The following PATJ variants were observed in gnomAD, a reference collection of about 807,000 sequenced individuals.
PATJ encodes PATJ crumbs cell polarity complex component, also known as inaD-like protein.
PATJ carries 190 observed loss-of-function variants against 224.9 expected under a neutral mutation model. The ratio of observed to expected loss-of-function variants is 0.84; its 90% CI spans 0.75 to 0.95. The LOEUF (loss-of-function observed/expected upper bound fraction) is 0.95. PATJ is among the 40% of genes least tolerant of loss of function. The pLI is 0.00. For synonymous variants in PATJ, 769 were observed against 820.3 expected (o/e 0.94, Z 1.07); for missense variants, 2,121 against 2,270.3 (o/e 0.93, Z 1.34).
chr1:61,986,709 T>A (rs1644777911), intron 27 of PATJ, among the ~76,000 whole-genome samples: 1 of 152,160 alleles, frequency 6.6e-6, no homozygotes, highest in African/African-American at 2.4e-5. Flanking sequence ...TATCCAGCTT[T>A]GTAATTTATT....
chr1:61,853,795 A>T (rs1663215019), intron 17 of PATJ, among the ~76,000 whole-genome samples: 1 of 152,152 alleles, frequency 6.6e-6, no homozygotes, highest in Non-Finnish European at 1.5e-5. Context: ...ACTTGAAAAT[A>T]CTGGTGTAAT....
intron 28 of PATJ, among the ~76,000 whole-genome samples, chr1:62,015,156 T>C (rs1394447699): frequency 6.6e-6 from 1 of 151,402 alleles, no homozygotes; most frequent in African/African-American, 2.4e-5. Flanking sequence ...AAAAAAAAAT[T>C]AGCCGGGCTT....
chr1:61,981,230 C>A (rs1159336155), intron 27 of PATJ, among the ~76,000 whole-genome samples: 2 of 151,930 alleles, frequency 1.3e-5, no homozygotes, highest in African/African-American at 4.9e-5. Flanking sequence ...AATGAGTGCA[C>A]TGCATGAGAG....
At chr1:61,970,786 C>A (rs1682867641) in intron 27 of PATJ, among the ~76,000 whole-genome samples, 1 of 146,728 alleles carries the variant, frequency 6.8e-6, no homozygotes, top group South Asian at 2.1e-4. Context: ...AGCCACCACA[C>A]CTGGCCACTC....
intron 28 of PATJ, chr1:61,991,910 A>G (rs1645085319): frequency 5.8e-6 from 1 of 171,126 alleles, no homozygotes; most frequent in Non-Finnish European, 1.2e-5. Flanking sequence ...CACTGTGCAT[A>G]TGCATTGTAC....
chr1:61,839,148 T>C (rs1397861989), intron 17 of PATJ, among the ~76,000 whole-genome samples: 3 of 152,150 alleles, frequency 2.0e-5, no homozygotes, highest in Non-Finnish European at 4.4e-5. Flanking sequence ...CCACCAGGTC[T>C]ATGCCTTTAA....
At chr1:62,125,264 C>CAAA (rs1284483252) in intron 39 of PATJ, among the ~76,000 whole-genome samples, 2 of 64,198 alleles carry the variant, frequency 3.1e-5, no homozygotes, top group South Asian at 4.3e-4. Context: ...CAAAAAAAAA[C>CAAA]AAAAAAAAAA....
chr1:61,864,318 A>C lies in PATJ; in HGVS notation c.2520A>C (p.Gln840His), dbSNP rs1334293768. 1.2e-6 allele frequency: 2 copies of C among 1,613,974 alleles called. No homozygotes were observed. Residue 840 changes from glutamine (Q) to histidine (H), a missense_variant, in exon 20 of 44, where the codon CAA (glutamine) becomes CAC (histidine). Coordinates refer to ENST00000642238, the MANE Select transcript of PATJ (RefSeq NM_001350145.3). Reference protein sequence around the residue: ...FLDLGKSFHSQQKEIEQSKEA... With the variant: ...FLDLGKSFHSHQKEIEQSKEA... The stretch of plus-strand genomic sequence containing the variant: ...ATCTGGGAAAGTCTTTCCATTCCCA[A>C]CAAAAAGAGATAGAGCAAAGCAAGG...
chr1:61,872,016 G>A (rs1004523360), intron 20 of PATJ, among the ~76,000 whole-genome samples: 2 of 152,006 alleles, frequency 1.3e-5, no homozygotes, highest in Admixed American at 1.3e-4. Context: ...AGAAATTCCT[G>A]TTTATAAATA....
Position 62,086,341 on chromosome 1 carries a change from C to A in PATJ, c.4377+1693C>A, listed in dbSNP as rs1659979322. Among the ~76,000 whole-genome samples the A allele has an allele frequency of 6.6e-6, 1 of 151,832 alleles. No homozygotes were observed. The highest frequency in any genetic ancestry group is 2.4e-5 in the African/African-American group (1 of 41,242). ...GTGTATGTAATACCTGCATCTTATA[C>A]AAAGTTAAGTTGCCATAAAAGGAAA... is the stretch of plus-strand genomic sequence containing the variant. On this transcript the variant is annotated intron_variant, in intron 33 of 43. Transcript: ENST00000642238. This position sits in a 1 kb window ranked among gnomAD's most constrained non-coding sequence, Gnocchi z 4.0.
intron 37 of PATJ, among the ~76,000 whole-genome samples, chr1:62,120,605 T>C (rs1413635902): frequency 1.3e-5 from 2 of 152,170 alleles, no homozygotes; most frequent in Non-Finnish European, 2.9e-5. Context: ...ATCTAGCAGA[T>C]TGGACTAAAT....
intron 28 of PATJ, among the ~76,000 whole-genome samples, chr1:62,015,131 C>T (rs1432911309): frequency 1.3e-5 from 2 of 151,812 alleles, no homozygotes; most frequent in Non-Finnish European, 2.9e-5. Context: ...GAAACCCCAT[C>T]TCTACTAAAA....
intron 22 of PATJ, among the ~76,000 whole-genome samples, chr1:61,889,948 C>T (rs896075369): frequency 4.6e-5 from 7 of 152,114 alleles, no homozygotes; most frequent in African/African-American, 1.2e-4. Flanking sequence ...TTTCAGACCT[C>T]GCCTGGTTTC....
chr1:61,826,253 G>A (rs1240698895), intron 15 of PATJ, among the ~76,000 whole-genome samples: 2 of 152,154 alleles, frequency 1.3e-5, no homozygotes, highest in African/African-American at 4.8e-5. Flanking sequence ...GACTCAGCCC[G>A]CTGCTGAAGG....
chr1:62,081,018 T>C (rs995928290), intron 32 of PATJ, among the ~76,000 whole-genome samples: 3 of 152,344 alleles, frequency 2.0e-5, no homozygotes, highest in African/African-American at 4.8e-5. Flanking sequence ...TACAGGTTTA[T>C]AGACACTCAT....
chr1:62,064,860 C>T (rs1656143915), intron 31 of PATJ, among the ~76,000 whole-genome samples: 1 of 152,216 alleles, frequency 6.6e-6, no homozygotes, highest in Non-Finnish European at 1.5e-5. Flanking sequence ...GCAAATGTCA[C>T]TGTGCAAACC....
intron 17 of PATJ, among the ~76,000 whole-genome samples, chr1:61,847,155 A>G (rs999342974): frequency 6.6e-6 from 1 of 152,240 alleles, no homozygotes; most frequent in African/African-American, 2.4e-5. Context: ...GGAGACCAGA[A>G]GGGTTATGAG....
At position 62,064,183 on chromosome 1, in the gene PATJ, G is replaced by C. The variant is rs185718377; in HGVS notation, c.4125+13125G>C. Among the ~76,000 whole-genome samples the C allele has an allele frequency of 2.3e-3, 353 of 152,234 alleles. 1 individual carries two copies. Among genetic ancestry groups the C allele is most frequent in the Non-Finnish European group, 3.6e-3 (246 of 68,014 alleles). On this transcript the variant is annotated intron_variant, in intron 31 of 43. Transcript: ENST00000642238. ...TTGAGGTACGTTCCTACAATGCCTA[G>C]TTTGTTGAGGGTTTTTATCATGAAG...
chr1:61,775,167 TTA>T, intron 6 of PATJ, 37 bp from the exon 7 acceptor site: 1 of 1,588,636 alleles, frequency 6.3e-7, no homozygotes, highest in East Asian at 2.2e-5. Context: ...CCTGTGTGTA[TTA>T]CTGATACTGC....
Sources: gnomAD v4.1 joint callset for allele counts (sites outside exome capture counted in the v4.1 genomes callset) on GRCh38, gnomAD v4.1.1 for gene constraint, Gnocchi (gnomAD v3.1) non-coding constraint, MANE v1.5 for transcripts, NCBI Gene and HGNC (gene_info 2026-07-23, HGNC 2026-07-21) for gene names.